Variants in TOX2 observed in about 807,000 individuals in gnomAD.
TOX2 encodes the protein granulosa cell HMG box 1.
TOX2 carries 15 observed loss-of-function variants against 47.4 expected under a neutral mutation model. That is an observed-to-expected ratio of 0.32 (90% CI 0.21 to 0.49). The LOEUF (loss-of-function observed/expected upper bound fraction) is 0.49, where lower values mean the gene tolerates loss of function less well. Ranked by LOEUF, TOX2 falls within the 20% of genes least tolerant of loss-of-function variation. The pLI is 0.99. For synonymous variants in TOX2, 290 were observed against 296.6 expected (o/e 0.98, Z 0.23); for missense variants, 622 against 673.1 (o/e 0.92, Z 0.84).
At chr20:43,934,144 A>AGAGC (rs2069292692) in intron 1 of TOX2, among the ~76,000 whole-genome samples, 1 of 150,026 alleles carries the variant, frequency 6.7e-6, no homozygotes, top group African/African-American at 2.5e-5. Flanking sequence ...AAGGAGAGAG[A>AGAGC]GAGAGAGAGA....
intron 1 of TOX2, among the ~76,000 whole-genome samples, chr20:43,931,838 A>G (rs2069256707): frequency 6.6e-6 from 1 of 152,192 alleles, no homozygotes; most frequent in South Asian, 2.1e-4. Context: ...TTGAAAATAC[A>G]GGAAAATAAA....
intron 1 of TOX2, among the ~76,000 whole-genome samples, chr20:43,971,743 G>C (rs370215855): frequency 2.0e-5 from 3 of 152,334 alleles, no homozygotes; most frequent in South Asian, 2.1e-4. Flanking sequence ...TATCCACACT[G>C]TGGAATACTG....
chr20:43,928,246 T>C (rs1236685836), intron 1 of TOX2, among the ~76,000 whole-genome samples: 1 of 152,260 alleles, frequency 6.6e-6, no homozygotes, highest in Non-Finnish European at 1.5e-5. Flanking sequence ...CAAAATGTGA[T>C]GAGCAATGCT....
intron 1 of TOX2, among the ~76,000 whole-genome samples, chr20:43,972,866 A>T (rs1249365823): frequency 6.6e-6 from 1 of 152,210 alleles, no homozygotes; most frequent in Non-Finnish European, 1.5e-5. Flanking sequence ...AGGGGCTGGG[A>T]TGGCATAGGT....
chr20:44,007,603 T>G (rs1050414432), intron 3 of TOX2: 1 of 152,318 alleles, frequency 6.6e-6, no homozygotes, highest in Non-Finnish European at 1.5e-5. Flanking sequence ...CCCAGCACTT[T>G]GGGAGACTGA....
At chr20:43,946,430 C>T (rs1600669883) in intron 1 of TOX2, among the ~76,000 whole-genome samples, 2 of 152,032 alleles carry the variant, frequency 1.3e-5, no homozygotes, top group East Asian at 1.9e-4. Flanking sequence ...GGGAGGAGCC[C>T]AGAAGATACC....
chr20:44,066,179 C>G, intron 7 of TOX2, 72 bp downstream of exon 7: 2 of 1,423,484 alleles, frequency 1.4e-6, no homozygotes, highest in Non-Finnish European at 1.8e-6. Context: ...CCTTTCAAAC[C>G]CTGGCCCTGC....
At chr20:43,944,028 TTGTG>T (rs369496171) in intron 1 of TOX2, among the ~76,000 whole-genome samples, 1 of 151,798 alleles carries the variant, frequency 6.6e-6, no homozygotes, top group African/African-American at 2.4e-5. Context: ...GCTTACAGCT[TTGTG>T]TGTGTGTGTG....
At chr20:43,950,557 C>T (rs1481242281) in intron 1 of TOX2, among the ~76,000 whole-genome samples, 1 of 151,946 alleles carries the variant, frequency 6.6e-6, no homozygotes, top group Non-Finnish European at 1.5e-5. Context: ...CCGGCAGCTC[C>T]CATCTTAGGG....
chr20:44,068,722 G>A lies in TOX2; in HGVS notation c.*36G>A. On this transcript the variant is annotated 3_prime_UTR_variant, in exon 9 of 9. Coordinates refer to ENST00000341197, the MANE Select transcript of TOX2 (RefSeq NM_001098797.2). ...CTACCATCCCTGAGGCTCGCTGGAA[G>A]GCACTGCTCAGAGCCTGAAGGGCTG... The A allele has an allele frequency of 6.2e-7, 1 of 1,613,804 alleles. No homozygotes were observed. The highest frequency in any genetic ancestry group is 8.5e-7 in the Non-Finnish European group (1 of 1,179,870).
At chr20:44,034,454 A>G (rs547000883) in intron 3 of TOX2, among the ~76,000 whole-genome samples, 4 of 152,346 alleles carry the variant, frequency 2.6e-5, no homozygotes, top group South Asian at 4.1e-4. Flanking sequence ...TGTTTATGGA[A>G]TGAATGAATG....
chr20:43,926,924 C>G (rs866895639), intron 1 of TOX2, among the ~76,000 whole-genome samples: 1 of 152,180 alleles, frequency 6.6e-6, no homozygotes, highest in African/African-American at 2.4e-5. Context: ...GAGCTATTCT[C>G]TTTGCTGCCC....
intron 1 of TOX2, among the ~76,000 whole-genome samples, chr20:43,970,817 G>T (rs2069951595): frequency 6.6e-6 from 1 of 152,136 alleles, no homozygotes; most frequent in Non-Finnish European, 1.5e-5. Context: ...TTCCACTCTG[G>T]GACAGATGAC....
Position 44,006,899 on chromosome 20 carries a change from C to T in TOX2, c.411+107C>T, listed in dbSNP as rs989232153. 6.2e-6 allele frequency: 9 copies of T among 1,450,712 alleles called. No homozygotes were observed. In the African/African-American group the frequency reaches 1.1e-4, roughly 18 times the overall value. 89.9% of individuals were successfully genotyped at this position (1,450,712 alleles called of 1,614,324 possible). On this transcript the variant is annotated intron_variant, in intron 3 of 8. Coordinates refer to ENST00000341197, the MANE Select transcript of TOX2 (RefSeq NM_001098797.2). ...TTGATAAGAACTCTCTGCTCATGGG[C>T]AGGGTCTGGGTTTACCTGGTTGCTT...
Position 43,915,060 on chromosome 20 carries a change from C to T in TOX2, c.99+70C>T. The T allele has an allele frequency of 2.1e-6, 2 of 968,328 alleles. No individual in the cohort carries two copies. Among genetic ancestry groups the T allele is most frequent in the Non-Finnish European group, 1.3e-6 (1 of 773,426 alleles). 60.0% of individuals were successfully genotyped at this position (968,328 alleles called of 1,614,324 possible). A position where few individuals can be genotyped will look rare whatever the true frequency, so the allele number is the denominator to read the frequency against. ...CACCTGGCAGCTCGGGACTCAGGCG[C>T]TCCCGGGGTCACACGGGGCCGCGCA... On this transcript the variant is annotated intron_variant, in intron 1 of 8. Coordinates refer to ENST00000341197, the MANE Select transcript of TOX2 (RefSeq NM_001098797.2). The surrounding 1 kb of genome is among the most constrained non-coding windows in gnomAD (Gnocchi z 7.1).
Position 43,915,717 on chromosome 20 carries a change from G to T in TOX2, c.99+727G>T, listed in dbSNP as rs1018187506. Reference sequence around the variant, plus strand: ...TAATTGGGCAGTTTACTAATTGGCCGTCACTGCCTGGCGGGGCCTCGGATT... The same window carrying T: ...TAATTGGGCAGTTTACTAATTGGCCTTCACTGCCTGGCGGGGCCTCGGATT... On this transcript the variant is annotated intron_variant, in intron 1 of 8. Transcript: ENST00000341197. The surrounding 1 kb of genome is among the most constrained non-coding windows in gnomAD (Gnocchi z 7.1). Among the ~76,000 whole-genome samples the T allele has an allele frequency of 6.6e-6, 1 of 152,268 alleles. No individual in the cohort carries two copies. The highest frequency in any genetic ancestry group is 1.5e-5 in the Non-Finnish European group (1 of 68,048).
chr20:44,000,863 G>A (rs1026409903), intron 2 of TOX2, among the ~76,000 whole-genome samples: 1 of 152,072 alleles, frequency 6.6e-6, no homozygotes, highest in Non-Finnish European at 1.5e-5. Flanking sequence ...TTGTTCCCAG[G>A]GAGGAGGATG....
intron 1 of TOX2, among the ~76,000 whole-genome samples, chr20:43,937,088 C>G (rs531990106): frequency 6.6e-6 from 1 of 152,166 alleles, no homozygotes; most frequent in Non-Finnish European, 1.5e-5. Context: ...GAGAGCCACA[C>G]AGGGCCGGGA....
chr20:43,931,986 A>G (rs1023745130), intron 1 of TOX2, among the ~76,000 whole-genome samples: 1 of 152,130 alleles, frequency 6.6e-6, no homozygotes, highest in African/African-American at 2.4e-5. Context: ...TCTGGCTTGG[A>G]CTGTGGTGGT....
Sources: gnomAD v4.1 joint callset for allele counts (sites outside exome capture counted in the v4.1 genomes callset) on GRCh38, gnomAD v4.1.1 for gene constraint, Gnocchi (gnomAD v3.1) non-coding constraint, MANE v1.5 for transcripts, NCBI Gene and HGNC (gene_info 2026-07-23, HGNC 2026-07-21) for gene names.